GNMT: variants seen among roughly 807,000 people sequenced by gnomAD.
GNMT encodes the protein glycine N-methyltransferase, also known as epididymis secretory sperm binding protein Li 182mP.
GNMT carries 26 observed loss-of-function variants against 30.2 expected under a neutral mutation model. The observed-to-expected ratio is 0.86, with a 90% CI of 0.63 to 1.19. The LOEUF (loss-of-function observed/expected upper bound fraction) is 1.19, where lower values mean the gene tolerates loss of function less well. Among genes scored for constraint, GNMT ranks in the 50% most tolerant of loss-of-function variants. GNMT has a pLI of 0.00. For synonymous variants in GNMT, 163 were observed against 163.8 expected (o/e 1.00, Z 0.04); for missense variants, 365 against 398.1 (o/e 0.92, Z 0.71).
In GNMT at chr6:42,960,762, C is replaced by G; in HGVS notation, c.-6C>G. 2 of 1,515,908 alleles carry G rather than the reference C, an allele frequency of 1.3e-6. No individual in the cohort carries two copies. The highest frequency in any genetic ancestry group is 8.9e-7 in the Non-Finnish European group (1 of 1,129,474). 93.9% of individuals were successfully genotyped at this position (1,515,908 alleles called of 1,614,324 possible). A position where few individuals can be genotyped will look rare whatever the true frequency, so the allele number is the denominator to read the frequency against. On this transcript the variant is annotated 5_prime_UTR_variant, in exon 1 of 6. Transcript: ENST00000372808. ...CGGGTGGCTGCGGAGCCAGGCGCGG[C>G]GCAGGATGGTGGACAGCGTGTACCG...
At chr6:42,963,000 G>C in intron 3 of GNMT, 72 bp from the exon 4 acceptor site, 1 of 1,603,022 alleles carries the variant, frequency 6.2e-7, no homozygotes. Context: ...CTGGGGAGGG[G>C]AGAGATGGGA....
chr6:42,963,119 G>A lies in GNMT; in HGVS notation c.499G>A (p.Val167Met), dbSNP rs1420691409. The change falls in exon 4 of 6, where the codon GTG becomes ATG. Residue 167 changes from valine to methionine, a missense_variant. Coordinates refer to ENST00000372808, the MANE Select transcript of GNMT (RefSeq NM_018960.6). ...GGCGCTGAAAAACATTGCGAGCATG[G>A]TGCGGGCAGGGGGCCTACTGGTCAT... is the stretch of plus-strand genomic sequence containing the variant. ...RLALKNIASM[V>M]RAGGLLVIDH... 5.6e-6 allele frequency: 9 copies of A among 1,612,744 alleles called. No homozygotes were observed. Among genetic ancestry groups the A allele is most frequent in the Non-Finnish European group, 7.6e-6 (9 of 1,179,948 alleles).
intron 4 of GNMT, 43 bp from the exon 5 acceptor site, chr6:42,963,285 G>T: frequency 6.3e-7 from 1 of 1,575,118 alleles, no homozygotes; most frequent in South Asian, 1.2e-5. Flanking sequence ...GTGGCCCCAA[G>T]GTGGGTTACA....
Position 42,962,781 on chromosome 6 carries a change from G to T in GNMT, c.354G>T (p.Trp118Cys). The T allele has an allele frequency of 6.2e-7, 1 of 1,613,926 alleles. No homozygotes were observed. The highest frequency in any genetic ancestry group is 8.5e-7 in the Non-Finnish European group (1 of 1,179,816). The change falls in exon 3 of 6, where the codon TGG becomes TGT. Residue 118 changes from tryptophan to cysteine, a missense_variant. Trp to Cys is a radical substitution (Grantham distance 215). This residue lies in a region of GNMT where 232 missense variants were observed against 263.0 expected (regional missense o/e 0.88). Transcript: ENST00000372808. Reference protein sequence around the residue: ...FDKWVIEEANWMTLDKDVPQS... With the variant: ...FDKWVIEEANCMTLDKDVPQS... Reference sequence around the variant, plus strand: ...CCCTAGTCATCGAAGAAGCCAACTGGATGACTCTGGACAAAGATGTGCCCC... The same window carrying T: ...CCCTAGTCATCGAAGAAGCCAACTGTATGACTCTGGACAAAGATGTGCCCC...
intron 1 of GNMT, among the ~76,000 whole-genome samples, chr6:42,961,550 C>CTTTTTTTTTTTTTTTTTT (rs575786265): frequency 1.1e-4 from 14 of 130,636 alleles, no homozygotes; most frequent in East Asian, 5.0e-4. Context: ...CTATTTTTCT[C>CTTTTTTTTTTTTTTTTTT]TTTTTTTTTT....
Position 42,960,873 on chromosome 6 carries a change from G to A in GNMT, c.106G>A (p.Gly36Arg), listed in dbSNP as rs1769337566. The A allele has an allele frequency of 6.4e-7, 1 of 1,554,830 alleles. No individual in the cohort carries two copies. The highest frequency in any genetic ancestry group is 8.7e-7 in the Non-Finnish European group (1 of 1,153,278). Reference sequence around the variant, plus strand: ...GGCGCGCGTGTGGCAGCTGTATATCGGAGACACCCGCAGCCGCACCGCCGA... The same window carrying A: ...GGCGCGCGTGTGGCAGCTGTATATCAGAGACACCCGCAGCCGCACCGCCGA... The part of the protein sequence containing the change: ...EAARVWQLYI[G>R]DTRSRTAEYK... Residue 36 changes from glycine (G) to arginine (R), a missense_variant, in exon 1 of 6, where the codon GGA becomes AGA. Transcript: ENST00000372808.
At chr6:42,961,865 C>G (rs1442208280) in intron 1 of GNMT, among the ~76,000 whole-genome samples, 2 of 152,150 alleles carry the variant, frequency 1.3e-5, no homozygotes, top group African/African-American at 2.4e-5. Context: ...GTCCTGTGCT[C>G]TAAACCACCA....
chr6:42,963,589 C>G lies in GNMT; in HGVS notation c.771C>G (p.Leu257=). The G allele has an allele frequency of 6.2e-7, 1 of 1,614,174 alleles. No homozygotes were observed. The highest frequency in any genetic ancestry group is 8.5e-7 in the Non-Finnish European group (1 of 1,179,998). ...GTCTGGCATCCTTCACGGAGCTGCT[C>G]CAAGCAGCCTTCGGAGGTAAGTGCC... The part of the protein sequence containing the change: ...PHCLASFTEL[L]QAAFGGKCQH... Residue 257 remains leucine (L), a synonymous_variant, in exon 6 of 6, where the codon CTC becomes CTG. Transcript: ENST00000372808.
At chr6:42,963,242 G>T (rs1487161797) in intron 4 of GNMT, 28 bp downstream of exon 4, 2 of 924,874 alleles carry the variant, frequency 2.2e-6, no homozygotes, top group Non-Finnish European at 3.1e-6. Flanking sequence ...GGGGGTGGGG[G>T]TGGGGGTGGG....
chr6:42,963,273 C>T, intron 4 of GNMT, 55 bp from the exon 5 acceptor site: 2 of 1,556,208 alleles, frequency 1.3e-6, no homozygotes, highest in Non-Finnish European at 1.7e-6. Context: ...AGGGAGGGTC[C>T]AGTGGCCCCA....
chr6:42,962,061 T>C (rs945190036), intron 1 of GNMT, 151 bp from the exon 2 acceptor site: 3 of 870,272 alleles, frequency 3.4e-6, no homozygotes, highest in African/African-American at 3.3e-5. Flanking sequence ...GGAAACAGAT[T>C]TGTGAGGTCA....
chr6:42,962,774 C>G lies in GNMT; in HGVS notation c.347C>G (p.Ala116Gly), dbSNP rs375296683. 5.0e-6 allele frequency: 8 copies of G among 1,613,252 alleles called. No individual in the cohort carries two copies. The African/African-American group carries it at 1.1e-4, about 22-fold the overall frequency. ...PAFDKWVIEE[A>G]NWMTLDKDVP... ...TCCTGACCCCTAGTCATCGAAGAAG[C>G]CAACTGGATGACTCTGGACAAAGAT... Residue 116 changes from alanine to glycine, a missense_variant, in exon 3 of 6, where the codon GCC (alanine) becomes GGC (glycine). Physicochemically the swap from Ala to Gly is moderately conservative, Grantham distance 60 (BLOSUM62 0). Around this residue, in one of 3 missense-constraint regions of GNMT, gnomAD observed 232 missense variants for 263.0 expected, o/e 0.88. Coordinates refer to ENST00000372808, the MANE Select transcript of GNMT (RefSeq NM_018960.6).
chr6:42,963,345 C>T lies in GNMT; in HGVS notation c.612C>T (p.Asp204=), dbSNP rs201222489. 22 of 1,611,886 alleles carry T rather than the reference C, an allele frequency of 1.4e-5. 1 individual carries two copies. The highest frequency in any genetic ancestry group is 1.3e-4 in the South Asian group (12 of 90,766). Residue 204 remains aspartate (D), a synonymous_variant, in exon 5 of 6, where the codon GAC becomes GAT. Transcript: ENST00000372808. The part of the protein sequence containing the change: ...NIYYKSDLTK[D]VTTSVLIVNN... Reference sequence around the variant, plus strand: ...ACCTACAGAGTGACTTGACCAAGGACGTCACAACATCAGTGCTGATAGTGA... The same window carrying T: ...ACCTACAGAGTGACTTGACCAAGGATGTCACAACATCAGTGCTGATAGTGA...
Position 42,963,202 on chromosome 6 carries a change from C to G in GNMT, c.582C>G (p.Asn194Lys). 5.7e-6 allele frequency: 9 copies of G among 1,585,602 alleles called. No homozygotes were observed. Among genetic ancestry groups the G allele is most frequent in the Non-Finnish European group, 6.0e-6 (7 of 1,172,690 alleles). ...LSTGCAPPGK[N>K]IYYKSDLTKD... is the part of the protein sequence containing the mutation. ...CAGGCTGTGCACCCCCAGGGAAGAA[C>G]ATCTACTATAAGGTGGGGCCCTCTG... is the stretch of plus-strand genomic sequence containing the variant. Residue 194 changes from asparagine (N) to lysine (K), a missense_variant, in exon 4 of 6, where the codon AAC becomes AAG. Physicochemically the swap from Asn to Lys is moderately conservative, Grantham distance 94. This residue lies in a region of GNMT where 232 missense variants were observed against 263.0 expected (regional missense o/e 0.88). Coordinates refer to ENST00000372808, the MANE Select transcript of GNMT (RefSeq NM_018960.6).
chr6:42,962,275 G>A lies in GNMT; in HGVS notation c.270G>A (p.Lys90=). The A allele has an allele frequency of 6.2e-7, 1 of 1,614,150 alleles. No individual in the cohort carries two copies. The highest frequency in any genetic ancestry group is 1.3e-5 in the African/African-American group (1 of 75,036). ...FSVTSVDASD[K]MLKYALKERW... ...TGACGAGTGTGGATGCCAGTGACAA[G>A]ATGCTGAAGTATGCACTTAAGGAGC... The change falls in exon 2 of 6, where the codon AAG becomes AAA. Residue 90 remains lysine (K), a synonymous_variant. Transcript: ENST00000372808.
At chr6:42,962,604 G>C (rs1769466850) in intron 2 of GNMT, among the ~76,000 whole-genome samples, 158 bp from the exon 3 acceptor site, 1 of 152,094 alleles carries the variant, frequency 6.6e-6, no homozygotes, top group African/African-American at 2.4e-5. Context: ...TCCCAACCAG[G>C]GTTCCTTCTC....
intron 2 of GNMT, 116 bp from the exon 3 acceptor site, chr6:42,962,646 G>A: frequency 2.4e-6 from 2 of 839,800 alleles, no homozygotes; most frequent in East Asian, 2.4e-5. Flanking sequence ...CCCCCTAACT[G>A]AACGGGGAGC....
chr6:42,963,244 G>T, intron 4 of GNMT, 30 bp downstream of exon 4: 1 of 889,062 alleles, frequency 1.1e-6, no homozygotes, highest in Non-Finnish European at 1.6e-6. Context: ...GGGTGGGGGT[G>T]GGGGTGGGGG....
At chr6:42,961,077 T>C in intron 1 of GNMT, 104 bp downstream of exon 1, 2 of 1,006,176 alleles carry the variant, frequency 2.0e-6, no homozygotes, top group South Asian at 3.5e-5. Context: ...AGGGCGGCCT[T>C]TGCCAATCCT....
Sources: gnomAD v4.1 joint callset for allele counts (sites outside exome capture counted in the v4.1 genomes callset) on GRCh38, gnomAD v4.1.1 for gene constraint, gnomAD v4.1.1 regional missense constraint, MANE v1.5 for transcripts, NCBI Gene and HGNC (gene_info 2026-07-23, HGNC 2026-07-21) for gene names.